Variants in ZNF619 observed in about 807,000 individuals in gnomAD.
ZNF619 encodes the protein zinc finger protein 619.
A neutral mutation model predicts 14.2 loss-of-function variants in ZNF619; 9 were observed. That is an observed-to-expected ratio of 0.64 (90% CI 0.38 to 1.11). ZNF619 has a LOEUF of 1.11. Among genes scored for constraint, ZNF619 ranks in the 50% least tolerant of loss-of-function variants. ZNF619 has a pLI of 0.01. For synonymous variants in ZNF619, 246 were observed against 252.8 expected (o/e 0.97, Z 0.26); for missense variants, 659 against 680.1 (o/e 0.97, Z 0.34).
intron 1 of ZNF619, 114 bp from the exon 2 acceptor site, chr3:40,477,804 T>C (rs1320848827): frequency 4.8e-6 from 3 of 619,038 alleles, no homozygotes; most frequent in Non-Finnish European, 8.7e-6. Context: ...AGAGGGTGAA[T>C]GACAGCAGCT....
intron 3 of ZNF619, 24 bp from the exon 4 acceptor site, chr3:40,482,564 A>G (rs1697440967): frequency 1.2e-6 from 2 of 1,610,686 alleles, no homozygotes; most frequent in South Asian, 2.2e-5. Flanking sequence ...CCTCAGCTTC[A>G]TGTTCCTTTT....
chr3:40,486,778 C>T (rs1697593079), intron 4 of ZNF619, 28 bp from the exon 5 acceptor site: 1 of 1,530,808 alleles, frequency 6.5e-7, no homozygotes, highest in African/African-American at 1.4e-5. Context: ...AAATAAGGGA[C>T]TTTTATGTTT....
At position 40,487,715 on chromosome 3, in the gene ZNF619, G is replaced by T. The variant is rs539218929; in HGVS notation, c.1205G>T (p.Cys402Phe). ...RFHTGEQLYKCNECWKTFSCS... is the reference protein window; with the variant it reads ...RFHTGEQLYKFNECWKTFSCS... ...CACACTGGGGAACAACTCTACAAAT[G>T]TAATGAATGTTGGAAAACTTTCAGC... The change falls in exon 5 of 5, where the codon TGT becomes TTT. Residue 402 changes from cysteine to phenylalanine, a missense_variant. Transcript: ENST00000432264. 1.2e-6 allele frequency: 2 copies of T among 1,614,134 alleles called. No homozygotes were observed. Among genetic ancestry groups the T allele is most frequent in the East Asian group, 4.5e-5 (2 of 44,876 alleles).
chr3:40,477,719 A>G (rs1244738758), intron 1 of ZNF619, 199 bp from the exon 2 acceptor site: 3 of 484,368 alleles, frequency 6.2e-6, no homozygotes, highest in Non-Finnish European at 1.1e-5. Flanking sequence ...TTCTTTCTAG[A>G]GTTTCCAGTG....
At chr3:40,477,877 A>G (rs2125632631) in intron 1 of ZNF619, 41 bp from the exon 2 acceptor site, 3 of 1,121,484 alleles carry the variant, frequency 2.7e-6, no homozygotes, top group East Asian at 2.6e-5. Flanking sequence ...CGGCAAGTGT[A>G]GGAGACGAGA....
intron 4 of ZNF619, among the ~76,000 whole-genome samples, chr3:40,486,363 G>A (rs1697577960): frequency 6.6e-6 from 1 of 152,110 alleles, no homozygotes; most frequent in Non-Finnish European, 1.5e-5. Context: ...TCCCCTTGAG[G>A]TACCATCAGA....
Position 40,488,345 on chromosome 3 carries a change from T to C in ZNF619, c.*104T>C. 1.5e-6 allele frequency: 1 copy of C among 684,858 alleles called. No homozygotes were observed. The highest frequency in any genetic ancestry group is 1.9e-5 in the South Asian group (1 of 53,664). The allele number at this position is 684,858 out of a possible 1,614,324, so 42.4% of individuals were successfully genotyped here. A position where few individuals can be genotyped will look rare whatever the true frequency, so the allele number is the denominator to read the frequency against. On this transcript the variant is annotated 3_prime_UTR_variant, in exon 5 of 5. Coordinates refer to ENST00000432264, the MANE Select transcript of ZNF619 (RefSeq NM_001145093.4). ...CTCTGGTCTTGTCTTGTATAAGTTGTTACTGTTTTCCTAACTTCATTTTAA... is the reference window on the plus strand; with the variant it reads ...CTCTGGTCTTGTCTTGTATAAGTTGCTACTGTTTTCCTAACTTCATTTTAA...
rs570092063 is a variant in ZNF619 at position 40,488,248 on chromosome 3, T to G, written c.*7T>G. The G allele has an allele frequency of 7.1e-7, 1 of 1,400,364 alleles. No individual in the cohort carries two copies. The highest frequency in any genetic ancestry group is 1.4e-5 in the African/African-American group (1 of 69,986). 86.7% of individuals were successfully genotyped at this position (1,400,364 alleles called of 1,614,324 possible). On this transcript the variant is annotated 3_prime_UTR_variant, in exon 5 of 5. Transcript: ENST00000432264. ...TTTGTCTCACTCCCTGTAAGCCCCG[T>G]CACGTTCTCAAAATCCTTTGCACCT...
chr3:40,483,921 C>G (rs1697494382), intron 4 of ZNF619, among the ~76,000 whole-genome samples: 1 of 151,958 alleles, frequency 6.6e-6, no homozygotes, highest in Non-Finnish European at 1.5e-5. Flanking sequence ...AGCTACTGCA[C>G]TTGGCCTATT....
In ZNF619 at chr3:40,490,820, C is replaced by T. The variant is rs962713485; in HGVS notation, c.*2579C>T. Among the ~76,000 whole-genome samples the T allele has an allele frequency of 2.0e-5, 3 of 152,092 alleles. No individual in the cohort carries two copies. The East Asian group carries it at 5.8e-4, about 29-fold the overall frequency. On this transcript the variant is annotated 3_prime_UTR_variant, in exon 5 of 5. Coordinates refer to ENST00000432264, the MANE Select transcript of ZNF619 (RefSeq NM_001145093.4). ...GTCAACAGTAGACTATTAGTAGTTA[C>T]ATTTTTGGGGAGTTAAAAGTTATAC...
chr3:40,477,883 CG>C (rs1244188922), intron 1 of ZNF619, 34 bp from the exon 2 acceptor site: 16 of 1,201,054 alleles, frequency 1.3e-5, no homozygotes, highest in Middle Eastern at 2.4e-4. Context: ...GTGTAGGAGA[CG>C]AGACAGATCA....
chr3:40,480,942 G>C (rs180767573), intron 2 of ZNF619, among the ~76,000 whole-genome samples: 1 of 152,326 alleles, frequency 6.6e-6, no homozygotes, highest in East Asian at 1.9e-4. Context: ...TTATATAAAA[G>C]TGGTCAGTTC....
At chr3:40,483,871 G>C (rs953785061) in intron 4 of ZNF619, 7 of 308,496 alleles carry the variant, frequency 2.3e-5, no homozygotes, top group African/African-American at 1.6e-4. Context: ...CAGTTGATCT[G>C]CCCACCTCAG....
chr3:40,488,261 A>G lies in ZNF619; in HGVS notation c.*20A>G. On this transcript the variant is annotated 3_prime_UTR_variant, in exon 5 of 5. Transcript: ENST00000432264. ...CTGTAAGCCCCGTCACGTTCTCAAAATCCTTTGCACCTCAAGTTAGGGATT... is the reference window on the plus strand; with the variant it reads ...CTGTAAGCCCCGTCACGTTCTCAAAGTCCTTTGCACCTCAAGTTAGGGATT... The G allele has an allele frequency of 8.0e-7, 1 of 1,256,954 alleles. No individual in the cohort carries two copies. Among genetic ancestry groups the G allele is most frequent in the Middle Eastern group, 1.9e-4 (1 of 5,198 alleles). 77.9% of individuals were successfully genotyped at this position (1,256,954 alleles called of 1,614,324 possible).
Position 40,490,569 on chromosome 3 carries a change from A to G in ZNF619, c.*2328A>G, listed in dbSNP as rs568766461. Among the ~76,000 whole-genome samples, 8 of 152,152 alleles carry G rather than the reference A, an allele frequency of 5.3e-5. No homozygotes were observed. The highest frequency in any genetic ancestry group is 7.3e-5 in the Non-Finnish European group (5 of 68,032). ...CTTTCTTCTGCCTCTGTCACCCCTG[A>G]GATGGCAAGACCAGTCTCCCTCCTC... On this transcript the variant is annotated 3_prime_UTR_variant, in exon 5 of 5. Coordinates refer to ENST00000432264, the MANE Select transcript of ZNF619 (RefSeq NM_001145093.4).
Position 40,487,179 on chromosome 3 carries a change from G to C in ZNF619, c.669G>C (p.Gln223His), listed in dbSNP as rs138484130. Residue 223 changes from glutamine (Q) to histidine (H), a missense_variant, in exon 5 of 5, where the codon CAG becomes CAC. Transcript: ENST00000432264. The part of the protein sequence containing the change: ...YNPHSDFHLH[Q>H]RVHTNEKPYT... ...CACATTCAGACTTTCACCTGCATCA[G>C]AGAGTTCACACTAATGAGAAGCCCT... 200 of 1,614,202 alleles carry C rather than the reference G, an allele frequency of 1.2e-4. No homozygotes were observed. The highest frequency in any genetic ancestry group is 8.7e-4 in the African/African-American group (65 of 75,066).
intron 3 of ZNF619, 194 bp from the exon 4 acceptor site, chr3:40,482,394 G>T: frequency 6.4e-7 from 1 of 1,562,012 alleles, no homozygotes; most frequent in South Asian, 1.1e-5. Flanking sequence ...CAGTGACTCT[G>T]GGAGCATTCT....
In ZNF619 at chr3:40,489,461, T is replaced by C. The variant is rs9862493; in HGVS notation, c.*1220T>C. ...CAGAGTTTTGCCATGTTGCCCAGGC[T>C]GGTCTCAAAACTCCTGGACTCAAAT... is the stretch of plus-strand genomic sequence containing the variant. On this transcript the variant is annotated 3_prime_UTR_variant, in exon 5 of 5. Transcript: ENST00000432264. 0.015 allele frequency: 2,301 copies of C among 152,640 alleles called. 57 individuals are homozygous for C. Among genetic ancestry groups the C allele is most frequent in the African/African-American group, 0.051 (2,127 of 41,376 alleles). 9.5% of individuals were successfully genotyped at this position (152,640 alleles called of 1,614,324 possible).
Position 40,487,610 on chromosome 3 carries a change from C to T in ZNF619, c.1100C>T (p.Thr367Ile). 3 of 1,614,068 alleles carry T rather than the reference C, an allele frequency of 1.9e-6. No individual in the cohort carries two copies. Among genetic ancestry groups the T allele is most frequent in the Non-Finnish European group, 2.5e-6 (3 of 1,179,976 alleles). The change falls in exon 5 of 5, where the codon ACT (threonine) becomes ATT (isoleucine). Residue 367 changes from threonine (T) to isoleucine (I), a missense_variant. Thr to Ile is a moderately conservative substitution (Grantham distance 89, BLOSUM62 -1). Coordinates refer to ENST00000432264, the MANE Select transcript of ZNF619 (RefSeq NM_001145093.4). ...SVLIQHQRIH[T>I]GEKPYECKEC... The stretch of plus-strand genomic sequence containing the variant: ...CTGATTCAGCATCAGAGAATCCACA[C>T]TGGGGAGAAACCTTATGAATGTAAA...
Sources: allele counts gnomAD v4.1 joint callset (sites outside exome capture counted in the v4.1 genomes callset), GRCh38; gene constraint gnomAD v4.1.1; transcripts MANE v1.5; gene names NCBI Gene and HGNC (gene_info 2026-07-23, HGNC 2026-07-21).